Variants in CCSER1 observed in about 807,000 individuals in gnomAD.
CCSER1 encodes the protein serine-rich coiled-coil domain-containing protein 1.
Under a neutral mutation model 82.0 loss-of-function variants are expected in CCSER1, and 41 were observed. The ratio of observed to expected loss-of-function variants is 0.50; its 90% CI spans 0.39 to 0.65. The LOEUF is 0.65. CCSER1 is among the 30% of genes least tolerant of loss of function. CCSER1 has a pLI of 0.00. For synonymous variants in CCSER1, 414 were observed against 383.9 expected (o/e 1.08, Z -0.92); for missense variants, 1,119 against 1,064.2 (o/e 1.05, Z -0.72).
At chr4:90,897,499 A>G (rs1261984230) in intron 8 of CCSER1, among the ~76,000 whole-genome samples, 2 of 152,040 alleles carry the variant, frequency 1.3e-5, no homozygotes, top group Non-Finnish European at 2.9e-5. Flanking sequence ...GTAGAATTCC[A>G]TGGTTTATAG....
chr4:90,203,990 T>C (rs1428791044), intron 1 of CCSER1, among the ~76,000 whole-genome samples: 3 of 152,166 alleles, frequency 2.0e-5, no homozygotes, highest in African/African-American at 7.2e-5. Flanking sequence ...TAAATGTCTA[T>C]TTTTGAGAAG....
intron 1 of CCSER1, among the ~76,000 whole-genome samples, chr4:90,242,248 A>G (rs1436985727): frequency 6.6e-6 from 1 of 152,254 alleles, no homozygotes; most frequent in Non-Finnish European, 1.5e-5. Flanking sequence ...CGGAGCTTGC[A>G]GTGAGCCGAG....
intron 10 of CCSER1, among the ~76,000 whole-genome samples, chr4:91,253,568 G>T (rs1740432773): frequency 6.6e-6 from 1 of 152,106 alleles, no homozygotes; most frequent in African/African-American, 2.4e-5. Context: ...TAAGGATTTA[G>T]TACCCAAAAG....
chr4:91,391,937 T>TGTAC (rs1243839099), intron 10 of CCSER1, among the ~76,000 whole-genome samples: 1 of 152,088 alleles, frequency 6.6e-6, no homozygotes, highest in Non-Finnish European at 1.5e-5. Context: ...TATGCACATA[T>TGTAC]GTACATATAC....
chr4:90,754,251 A>G (rs1250190746), intron 7 of CCSER1, among the ~76,000 whole-genome samples: 1 of 152,206 alleles, frequency 6.6e-6, no homozygotes, highest in East Asian at 1.9e-4. Context: ...ACTGGCACAG[A>G]AAACCTGTTT....
At chr4:91,542,263 T>C (rs1458864194) in intron 10 of CCSER1, among the ~76,000 whole-genome samples, 1 of 152,218 alleles carries the variant, frequency 6.6e-6, no homozygotes, top group Non-Finnish European at 1.5e-5. Flanking sequence ...TTGGCTTTTG[T>C]TACCATTGCT....
intron 6 of CCSER1, among the ~76,000 whole-genome samples, chr4:90,652,818 T>C (rs1394382384): frequency 2.3e-5 from 3 of 130,384 alleles, no homozygotes; most frequent in Non-Finnish European, 1.7e-5. Context: ...TTCCCCTTTT[T>C]CCCATAACCT....
intron 10 of CCSER1, among the ~76,000 whole-genome samples, chr4:91,367,375 G>A (rs895933682): frequency 6.7e-6 from 1 of 148,362 alleles, no homozygotes; most frequent in Non-Finnish European, 1.5e-5. Context: ...TTGAATTCAT[G>A]GTTGTAAGGA....
chr4:90,454,472 T>G (rs11725165), intron 4 of CCSER1, among the ~76,000 whole-genome samples: 37,046 of 151,924 alleles, frequency 0.24, 6,290 homozygotes, highest in African/African-American at 0.47. Context: ...AGGCAGTGGG[T>G]TTCTCATTGA....
chr4:90,311,382 A>G (rs111537712), intron 2 of CCSER1, among the ~76,000 whole-genome samples: 235 of 150,240 alleles, frequency 1.6e-3, no homozygotes, highest in Non-Finnish European at 2.9e-3. Flanking sequence ...GTTGATTGGG[A>G]TCCTATTTGT....
chr4:91,071,578 A>G (rs374898312), intron 9 of CCSER1, among the ~76,000 whole-genome samples: 2 of 152,326 alleles, frequency 1.3e-5, no homozygotes, highest in South Asian at 4.1e-4. Context: ...GGGGACAGAC[A>G]TAATAGACAG....
chr4:90,687,003 A>T (rs939325767), intron 6 of CCSER1, among the ~76,000 whole-genome samples: 4 of 152,164 alleles, frequency 2.6e-5, no homozygotes, highest in Non-Finnish European at 2.9e-5. Flanking sequence ...CCATGCATGA[A>T]GGTTCAGCCC....
intron 1 of CCSER1, among the ~76,000 whole-genome samples, chr4:90,277,129 A>T (rs1355639814): frequency 6.6e-6 from 1 of 152,086 alleles, no homozygotes; most frequent in African/African-American, 2.4e-5. Flanking sequence ...ACTATGTTAA[A>T]TACGAGTGGT....
intron 10 of CCSER1, among the ~76,000 whole-genome samples, chr4:91,544,634 T>C (rs1239933093): frequency 6.6e-6 from 1 of 152,172 alleles, no homozygotes; most frequent in Non-Finnish European, 1.5e-5. Context: ...GCAAATATTG[T>C]AGAAAGGCAA....
At chr4:90,154,164 G>A (rs970706660) in intron 1 of CCSER1, among the ~76,000 whole-genome samples, 2 of 152,110 alleles carry the variant, frequency 1.3e-5, no homozygotes, top group African/African-American at 4.8e-5. Flanking sequence ...TTTTTCTCAG[G>A]TTTGTCAAAG....
chr4:91,273,681 C>T (rs1287397825), intron 10 of CCSER1, among the ~76,000 whole-genome samples: 2 of 152,012 alleles, frequency 1.3e-5, no homozygotes, highest in African/African-American at 4.8e-5. Flanking sequence ...CTTGTCTTGC[C>T]AGCTCTCAGA....
intron 10 of CCSER1, among the ~76,000 whole-genome samples, chr4:91,208,404 A>G (rs989106291): frequency 1.3e-5 from 2 of 151,628 alleles, no homozygotes; most frequent in African/African-American, 4.8e-5. Context: ...TGATTTTTGT[A>G]TTTGGTGTAA....
rs1305993235 is a variant in CCSER1, at chr4:90,993,640, A to G, written c.2172+70193A>G. On this transcript the variant is annotated intron_variant, in intron 9 of 10. Coordinates refer to ENST00000509176, the MANE Select transcript of CCSER1 (RefSeq NM_001145065.2). ...GGAAGTCTAAGATAAGGTATCAGCA[A>G]ATTTGGTTCCTGATGAGGCCCTTCT... Among the ~76,000 whole-genome samples, 3 of 151,980 alleles carry G rather than the reference A, an allele frequency of 2.0e-5. 1 individual carries two copies. Among genetic ancestry groups the G allele is most frequent in the Non-Finnish European group, 4.4e-5 (3 of 67,992 alleles).
chr4:91,471,987 GAAAA>G (rs1353493956), intron 10 of CCSER1, among the ~76,000 whole-genome samples: 3 of 121,410 alleles, frequency 2.5e-5, no homozygotes, highest in South Asian at 2.7e-4. Flanking sequence ...AAAAAAAAAA[GAAAA>G]AAAAGAAAAA....
Sources: gnomAD v4.1 joint callset for allele counts (sites outside exome capture counted in the v4.1 genomes callset) on GRCh38, gnomAD v4.1.1 for gene constraint, MANE v1.5 for transcripts, NCBI Gene and HGNC (gene_info 2026-07-23, HGNC 2026-07-21) for gene names.